Variants in SLC16A7 observed in about 807,000 individuals in gnomAD.
SLC16A7 encodes solute carrier family 16 member 7.
Under a neutral mutation model 34.9 loss-of-function variants are expected in SLC16A7, and 33 were observed. The ratio of observed to expected loss-of-function variants is 0.94; its 90% CI spans 0.72 to 1.26. SLC16A7 has a LOEUF of 1.26. Among genes scored for constraint, SLC16A7 ranks in the 50% most tolerant of loss-of-function variants. The pLI is 0.00. For missense variants in SLC16A7, 573 were observed against 578.1 expected (o/e 0.99, Z 0.09); for synonymous variants, 201 against 206.6 (o/e 0.97, Z 0.23).
At chr12:59,620,979 T>G (rs551952688) in intron 1 of SLC16A7, among the ~76,000 whole-genome samples, 1 of 151,904 alleles carries the variant, frequency 6.6e-6, no homozygotes, top group Non-Finnish European at 1.5e-5. Context: ...AAATACAATC[T>G]TTTTTTGAGG....
chr12:59,739,657 C>T (rs1430645283), intron 3 of SLC16A7, among the ~76,000 whole-genome samples: 1 of 151,492 alleles, frequency 6.6e-6, no homozygotes, highest in African/African-American at 2.4e-5. Flanking sequence ...TACAGTCCCA[C>T]CAACAGTGTA....
At chr12:59,703,944 G>A (rs796799125) in intron 2 of SLC16A7, among the ~76,000 whole-genome samples, 4 of 151,874 alleles carry the variant, frequency 2.6e-5, no homozygotes, top group African/African-American at 9.6e-5. Context: ...GCTCACACCC[G>A]TAATCCCAAC....
At chr12:59,690,472 CAAG>C (rs1481966389) in intron 2 of SLC16A7, among the ~76,000 whole-genome samples, 1 of 151,882 alleles carries the variant, frequency 6.6e-6, no homozygotes, top group Non-Finnish European at 1.5e-5. Context: ...GAGTAAATCT[CAAG>C]GAGGTGGATT....
Position 59,773,165 on chromosome 12 carries a change from A to T in SLC16A7, c.362-1492A>T, listed in dbSNP as rs148046884. On this transcript the variant is annotated intron_variant, in intron 4 of 5. Transcript: ENST00000547379. ...CCTGGATTTTAATTTGGGTTCTTCT[A>T]CTTACAAGCTACTTGACCATAGGCT... 1.2e-3 allele frequency among the ~76,000 whole-genome samples: 185 copies of T among 151,790 alleles called. 2 individuals are homozygous for T. The highest frequency in any genetic ancestry group is 3.9e-3 in the African/African-American group (162 of 41,466).
chr12:59,624,521 A>G (rs1879835407), intron 1 of SLC16A7, among the ~76,000 whole-genome samples: 1 of 151,786 alleles, frequency 6.6e-6, no homozygotes, highest in South Asian at 2.1e-4. Context: ...CTGAATTCCT[A>G]GTTGAGAAAG....
chr12:59,734,805 T>C (rs564458870), intron 3 of SLC16A7, among the ~76,000 whole-genome samples: 1 of 152,382 alleles, frequency 6.6e-6, no homozygotes, highest in African/African-American at 2.4e-5. Context: ...ATTATTCAGA[T>C]GTTAAATTCA....
At chr12:59,647,361 G>A (rs1043494788) in intron 1 of SLC16A7, among the ~76,000 whole-genome samples, 4 of 152,088 alleles carry the variant, frequency 2.6e-5, no homozygotes, top group Admixed American at 2.6e-4. Context: ...TTTATAAGGG[G>A]CTTCCCTCTT....
intron 2 of SLC16A7, among the ~76,000 whole-genome samples, chr12:59,704,199 C>CAAAAAAAAAAAAAAAAAAAAAAAAA (rs34021022): frequency 1.9e-5 from 1 of 51,614 alleles, no homozygotes; most frequent in Non-Finnish European, 4.1e-5. Context: ...GACTCTGTCT[C>CAAAAAAAAAAAAAAAAAAAAAAAAA]AAAAAAAAAA....
intron 2 of SLC16A7, among the ~76,000 whole-genome samples, chr12:59,666,036 A>C (rs944286715): frequency 2.6e-4 from 39 of 152,142 alleles, no homozygotes; most frequent in Non-Finnish European, 5.0e-4. Context: ...AATGTCAGGC[A>C]ATGATTGATG....
chr12:59,761,476 A>C (rs956643856), intron 3 of SLC16A7, among the ~76,000 whole-genome samples: 3 of 152,130 alleles, frequency 2.0e-5, no homozygotes, highest in Non-Finnish European at 4.4e-5. Flanking sequence ...TATTGTTTAC[A>C]TCTGAATCTA....
chr12:59,746,978 G>A (rs1878965037), intron 3 of SLC16A7, among the ~76,000 whole-genome samples: 1 of 152,184 alleles, frequency 6.6e-6, no homozygotes, highest in Non-Finnish European at 1.5e-5. Flanking sequence ...GACTACAGGT[G>A]TGCACCCCCA....
chr12:59,662,549 C>T (rs1592448483), intron 2 of SLC16A7, among the ~76,000 whole-genome samples: 1 of 152,110 alleles, frequency 6.6e-6, no homozygotes, highest in African/African-American at 2.4e-5. Context: ...GCCATTCTCT[C>T]CCCAGGGCTC....
rs765159983 is a variant in SLC16A7, at chr12:59,774,699, T to C, written c.404T>C (p.Ile135Thr). ...AFNLQPALTI[I>T]GKYFYRKRPM... ...AACCTGCAACCCGCCTTAACCATAA[T>C]TGGCAAATACTTCTATAGGAAGCGA... is the stretch of plus-strand genomic sequence containing the variant. Residue 135 changes from isoleucine (I) to threonine (T), a missense_variant, in exon 5 of 6, where the codon ATT (isoleucine) becomes ACT (threonine). Transcript: ENST00000547379. The C allele has an allele frequency of 1.0e-5, 16 of 1,604,506 alleles. No individual in the cohort carries two copies. The South Asian group carries it at 1.5e-4, about 15-fold the overall frequency.
At chr12:59,756,996 T>C (rs1331153158) in intron 3 of SLC16A7, among the ~76,000 whole-genome samples, 1 of 142,700 alleles carries the variant, frequency 7.0e-6, no homozygotes, top group East Asian at 2.0e-4. Flanking sequence ...CTCAGTAAAC[T>C]ATCTCAAGAA....
At chr12:59,690,753 T>C (rs1871552828) in intron 2 of SLC16A7, among the ~76,000 whole-genome samples, 2 of 151,984 alleles carry the variant, frequency 1.3e-5, no homozygotes, top group Admixed American at 1.3e-4. Flanking sequence ...CTTTCAGAGC[T>C]TCTCCTGTGT....
intron 2 of SLC16A7, among the ~76,000 whole-genome samples, chr12:59,658,965 A>AG (rs1592444397): frequency 6.6e-6 from 1 of 152,062 alleles, no homozygotes; most frequent in African/African-American, 2.4e-5. Flanking sequence ...TTTTAGATAC[A>AG]GGGGAACATT....
chr12:59,655,997 T>C (rs1868515324), intron 2 of SLC16A7, among the ~76,000 whole-genome samples: 1 of 152,054 alleles, frequency 6.6e-6, no homozygotes, highest in Admixed American at 6.6e-5. Context: ...TAACCAACTG[T>C]ATTCAATTTG....
chr12:59,639,985 T>C (rs1446958268), intron 1 of SLC16A7, among the ~76,000 whole-genome samples: 2 of 152,146 alleles, frequency 1.3e-5, no homozygotes, highest in African/African-American at 4.8e-5. Flanking sequence ...TTCAATAATT[T>C]GTTAGAACAG....
In SLC16A7 at chr12:59,781,263, A is replaced by C. The variant is rs1184241417; in HGVS notation, c.*1584A>C. ...CTAAAGTTATAAATACAATATTTAT[A>C]TCTATAAATCTGAAGTTTAACATGA... On this transcript the variant is annotated 3_prime_UTR_variant, in exon 6 of 6. Transcript: ENST00000547379. 6.6e-6 allele frequency: 1 copy of C among 150,988 alleles called. No individual in the cohort carries two copies. The highest frequency in any genetic ancestry group is 1.9e-4 in the East Asian group (1 of 5,198). 9.4% of individuals were successfully genotyped at this position (150,988 alleles called of 1,614,324 possible). A position where few individuals can be genotyped will look rare whatever the true frequency, so the allele number is the denominator to read the frequency against.
Sources: allele counts gnomAD v4.1 joint callset (sites outside exome capture counted in the v4.1 genomes callset), GRCh38; gene constraint gnomAD v4.1.1; transcripts MANE v1.5; gene names NCBI Gene and HGNC (gene_info 2026-07-23, HGNC 2026-07-21).